CADPS2: variants seen among roughly 807,000 people sequenced by gnomAD.
CADPS2 encodes calcium dependent secretion activator 2.
In CADPS2, 93 loss-of-function variants were observed where a neutral mutation model predicts 172.5. That is an observed-to-expected ratio of 0.54 (90% confidence interval 0.46 to 0.64). The LOEUF is 0.64. CADPS2 is among the 30% of genes least tolerant of loss of function. The pLI, the probability that CADPS2 is intolerant of heterozygous loss-of-function variation, is 0.00. For synonymous variants in CADPS2, 546 were observed against 555.2 expected (o/e 0.98, Z 0.23); for missense variants, 1,420 against 1,565.9 (o/e 0.91, Z 1.57).
intron 8 of CADPS2, among the ~76,000 whole-genome samples, chr7:122,540,199 T>C (rs1338849853): frequency 2.6e-5 from 4 of 152,108 alleles, no homozygotes. Flanking sequence ...CATGTTGGCA[T>C]CATTTACAAA....
At chr7:122,480,210 T>C (rs2057126585) in intron 12 of CADPS2, 2 of 453,186 alleles carry the variant, frequency 4.4e-6, no homozygotes, top group Non-Finnish European at 9.2e-6. Flanking sequence ...AGAAGTGGAA[T>C]AGATTTGCTT....
chr7:122,380,153 T>C (rs1210773884), intron 24 of CADPS2, among the ~76,000 whole-genome samples: 1 of 152,158 alleles, frequency 6.6e-6, no homozygotes, highest in South Asian at 2.1e-4. Context: ...AAAGACTTTT[T>C]TTTTTCTTTC....
intron 2 of CADPS2, among the ~76,000 whole-genome samples, chr7:122,664,169 G>C (rs2080930535): frequency 6.6e-6 from 1 of 151,162 alleles, no homozygotes; most frequent in Admixed American, 6.6e-5. Flanking sequence ...AGCAGGGAAA[G>C]AATCATGTAT....
chr7:122,734,075 T>C (rs1024573225), intron 2 of CADPS2, among the ~76,000 whole-genome samples: 1 of 151,938 alleles, frequency 6.6e-6, no homozygotes, highest in Non-Finnish European at 1.5e-5. Flanking sequence ...AGGTCTTGTA[T>C]GGAACCTAAG....
intron 6 of CADPS2, among the ~76,000 whole-genome samples, chr7:122,612,161 C>T (rs1243095765): frequency 1.3e-5 from 2 of 151,882 alleles, no homozygotes; most frequent in Non-Finnish European, 2.9e-5. Flanking sequence ...CACCAACATG[C>T]CTTTTCTTAC....
chr7:122,614,855 T>C (rs1232618595), intron 6 of CADPS2, among the ~76,000 whole-genome samples: 1 of 152,212 alleles, frequency 6.6e-6, no homozygotes, highest in Non-Finnish European at 1.5e-5. Flanking sequence ...TGAAATAGGA[T>C]TATGTATTAC....
intron 6 of CADPS2, among the ~76,000 whole-genome samples, chr7:122,614,482 T>G (rs181017994): frequency 2.0e-5 from 3 of 152,122 alleles, no homozygotes; most frequent in African/African-American, 7.2e-5. Flanking sequence ...GAATAAAGAT[T>G]AAATAGAAGA....
chr7:122,871,609 A>G (rs1184887712), intron 1 of CADPS2, among the ~76,000 whole-genome samples: 1 of 152,082 alleles, frequency 6.6e-6, no homozygotes, highest in Non-Finnish European at 1.5e-5. Flanking sequence ...ACGGTTTAGG[A>G]ATGTCAATGT....
At chr7:122,611,485 C>CA (rs1462511366) in intron 6 of CADPS2, among the ~76,000 whole-genome samples, 1 of 151,706 alleles carries the variant, frequency 6.6e-6, no homozygotes, top group Non-Finnish European at 1.5e-5. Context: ...CTTTTAATGG[C>CA]AAAAAACACA....
intron 28 of CADPS2, among the ~76,000 whole-genome samples, chr7:122,334,780 C>T (rs1305003052): frequency 6.6e-6 from 1 of 151,788 alleles, no homozygotes; most frequent in Non-Finnish European, 1.5e-5. Flanking sequence ...AGAGTACTTC[C>T]ATTTAAAAAA....
chr7:122,554,686 TC>T lies in CADPS2; in HGVS notation c.1338del (p.Ile447TyrfsTer18). ...GAGCTATTAGAAGTTGGGTATAATA[TC>T]ACCTGTATGGAAAAAAAAACCCACA... ...LALEDKELGR[V>X]ILYPTSNSSK... On this transcript the variant is annotated frameshift_variant and splice_region_variant, in exon 8 of 30. Coordinates refer to ENST00000449022, the MANE Select transcript of CADPS2 (RefSeq NM_017954.11). LOFTEE classifies it high-confidence loss of function. 1 of 1,595,668 alleles carries T rather than the reference TC, an allele frequency of 6.3e-7. No individual in the cohort carries two copies.
rs532677042 is a variant in CADPS2, at chr7:122,813,011, T to C, written c.339+72988A>G. 5.9e-5 allele frequency among the ~76,000 whole-genome samples: 9 copies of C among 152,280 alleles called. No individual in the cohort carries two copies. The East Asian group carries it at 1.7e-3, about 29-fold the overall frequency. The stretch of plus-strand genomic sequence containing the variant: ...CTAGTAATCAGATTATTTGGTGATA[T>C]ATCCAATATGGGACACAGCAGGAAA... On this transcript the variant is annotated intron_variant, in intron 1 of 29. Transcript: ENST00000449022.
intron 6 of CADPS2, among the ~76,000 whole-genome samples, chr7:122,584,909 A>G (rs964881883): frequency 6.6e-6 from 1 of 151,928 alleles, no homozygotes; most frequent in Admixed American, 6.6e-5. Flanking sequence ...TAATTTCCAG[A>G]TTTTGTGTGT....
intron 17 of CADPS2, among the ~76,000 whole-genome samples, chr7:122,423,254 C>T (rs765852522): frequency 1.2e-4 from 18 of 152,074 alleles, no homozygotes; most frequent in Non-Finnish European, 2.4e-4. Flanking sequence ...GGCCACATCT[C>T]AATACTTATA....
intron 29 of CADPS2, among the ~76,000 whole-genome samples, chr7:122,321,636 A>G (rs965835117): frequency 6.6e-6 from 1 of 152,002 alleles, no homozygotes; most frequent in Non-Finnish European, 1.5e-5. Flanking sequence ...TTACAGGCAC[A>G]TGCCACCATG....
intron 8 of CADPS2, among the ~76,000 whole-genome samples, chr7:122,515,285 T>C (rs557641580): frequency 1.3e-5 from 2 of 152,272 alleles, no homozygotes; most frequent in South Asian, 4.1e-4. Context: ...TACCTGTTCA[T>C]TGTTTTTTCT....
chr7:122,705,094 C>T (rs1213548363), intron 2 of CADPS2, among the ~76,000 whole-genome samples: 4 of 151,962 alleles, frequency 2.6e-5, no homozygotes, highest in South Asian at 2.1e-4. Context: ...ATGCTTCCAT[C>T]AAGGATGAGG....
chr7:122,458,496 G>T, intron 14 of CADPS2, among the ~76,000 whole-genome samples: 1 of 151,964 alleles, frequency 6.6e-6, no homozygotes, highest in East Asian at 1.9e-4. Flanking sequence ...TGATCATTGA[G>T]ATATAAAAAA....
chr7:122,873,326 C>T (rs1056145027), intron 1 of CADPS2, among the ~76,000 whole-genome samples: 7 of 152,118 alleles, frequency 4.6e-5, no homozygotes, highest in Admixed American at 2.6e-4. Context: ...TCCTCTAGCC[C>T]CCCAACCCAA....
Sources: allele counts gnomAD v4.1 joint callset (sites outside exome capture counted in the v4.1 genomes callset), GRCh38; gene constraint gnomAD v4.1.1; transcripts MANE v1.5; gene names NCBI Gene and HGNC (gene_info 2026-07-23, HGNC 2026-07-21).